TOGARAM2: variants seen among roughly 807,000 people sequenced by gnomAD.
The protein encoded by TOGARAM2 is TOG array regulator of axonemal microtubules protein 2.
A neutral mutation model predicts 93.3 loss-of-function variants in TOGARAM2; 85 were observed. The observed-to-expected ratio is 0.91, with a 90% CI of 0.76 to 1.09. The LOEUF is 1.09. Ranked by LOEUF, TOGARAM2 falls within the 50% of genes least tolerant of loss-of-function variation. TOGARAM2 has a pLI of 0.00. For synonymous variants in TOGARAM2, 593 were observed against 552.8 expected (o/e 1.07, Z -1.02); for missense variants, 1,277 against 1,334.5 (o/e 0.96, Z 0.67).
chr2:29,018,209 G>A, intron 10 of TOGARAM2: 1 of 483,506 alleles, frequency 2.1e-6, no homozygotes, highest in Non-Finnish European at 3.7e-6. Context: ...TGTGTGACAT[G>A]TCCGGAGGAG....
intron 6 of TOGARAM2, among the ~76,000 whole-genome samples, chr2:29,005,461 G>A (rs1572682738): frequency 1.8e-5 from 2 of 111,628 alleles, no homozygotes; most frequent in African/African-American, 6.5e-5. Flanking sequence ...GAGAGCATGT[G>A]TGACTGCATG....
intron 13 of TOGARAM2, 75 bp from the exon 14 acceptor site, chr2:29,026,778 G>T (rs955987614): frequency 5.7e-6 from 8 of 1,406,808 alleles, no homozygotes; most frequent in Middle Eastern, 1.8e-4. Context: ...TGCAATGGTA[G>T]ATCCATGTTT....
chr2:29,029,472 A>G (rs1665617061), intron 14 of TOGARAM2, among the ~76,000 whole-genome samples: 1 of 152,206 alleles, frequency 6.6e-6, no homozygotes, highest in South Asian at 2.1e-4. Context: ...GAATGACATA[A>G]TGGGCCGGGT....
intron 19 of TOGARAM2, chr2:29,051,307 A>C (rs1328139274): frequency 6.5e-6 from 1 of 153,646 alleles, no homozygotes; most frequent in African/African-American, 2.4e-5. Context: ...TTGGTTCAGC[A>C]TTTTTATCCT....
chr2:28,974,975 C>T (rs552710515), intron 1 of TOGARAM2, among the ~76,000 whole-genome samples: 5 of 151,602 alleles, frequency 3.3e-5, no homozygotes, highest in East Asian at 1.9e-4. Flanking sequence ...TGGTTGCTAT[C>T]GAGTAATTTC....
intron 1 of TOGARAM2, among the ~76,000 whole-genome samples, chr2:28,986,263 C>A (rs78249802): frequency 6.7e-6 from 1 of 150,262 alleles, no homozygotes; most frequent in Non-Finnish European, 1.5e-5. Flanking sequence ...AACTTTCTCT[C>A]CCCCTAGGCT....
chr2:28,990,851 A>G (rs905416343), intron 1 of TOGARAM2, among the ~76,000 whole-genome samples: 2 of 151,924 alleles, frequency 1.3e-5, no homozygotes, highest in Non-Finnish European at 2.9e-5. Context: ...TGAGCCTCTT[A>G]TTCTATAGAC....
At chr2:28,957,373 G>A (rs965659195) in intron 1 of TOGARAM2, among the ~76,000 whole-genome samples, 4 of 152,054 alleles carry the variant, frequency 2.6e-5, no homozygotes, top group African/African-American at 4.8e-5. Context: ...TAGAGACGGG[G>A]TTTCGCCATG....
At chr2:29,022,056 G>T (rs1664985718) in intron 10 of TOGARAM2, 102 bp from the exon 11 acceptor site, 5 of 1,499,772 alleles carry the variant, frequency 3.3e-6, no homozygotes, top group East Asian at 2.3e-5. Context: ...TGGGCTCAGG[G>T]TGGTGGCACG....
Position 29,051,760 on chromosome 2 carries a change from G to T in TOGARAM2, c.2727G>T (p.Leu909=). The change falls in exon 20 of 20, where the codon CTG becomes CTT. Residue 909 remains leucine, a synonymous_variant. Coordinates refer to ENST00000379558, the MANE Select transcript of TOGARAM2 (RefSeq NM_199280.4). Reference sequence around the variant, plus strand: ...CTCTCCTTTTCTGCCTGACAGTGCTGGTGGCCTCAGTTTACCCCCGGAAGC... The same window carrying T: ...CTCTCCTTTTCTGCCTGACAGTGCTTGTGGCCTCAGTTTACCCCCGGAAGC... The part of the protein sequence containing the change: ...VLDVTDRLAV[L]VASVYPRKPQ... The T allele has an allele frequency of 6.7e-7, 1 of 1,503,498 alleles. No individual in the cohort carries two copies. Among genetic ancestry groups the T allele is most frequent in the Non-Finnish European group, 9.0e-7 (1 of 1,117,084 alleles). 93.1% of individuals were successfully genotyped at this position (1,503,498 alleles called of 1,614,324 possible). A position where few individuals can be genotyped will look rare whatever the true frequency, so the allele number is the denominator to read the frequency against.
intron 1 of TOGARAM2, among the ~76,000 whole-genome samples, chr2:28,968,668 T>C (rs1671900778): frequency 1.3e-5 from 2 of 151,550 alleles, no homozygotes. Flanking sequence ...ATACAAAAAA[T>C]ATTAGCTGAG....
At chr2:28,976,903 C>G (rs1260809936), upstream of TOGARAM2, among the ~76,000 whole-genome samples, 1 of 152,224 alleles carries the variant, frequency 6.6e-6, no homozygotes, top group Non-Finnish European at 1.5e-5. Flanking sequence ...TTCAGGCTCT[C>G]CAGGCTGGGG....
Position 29,002,748 on chromosome 2 carries a change from G to A in TOGARAM2, c.639+1G>A, listed in dbSNP as rs770197138. 3 of 1,612,666 alleles carry A rather than the reference G, an allele frequency of 1.9e-6. No homozygotes were observed. The highest frequency in any genetic ancestry group is 1.7e-4 in the Middle Eastern group (1 of 6,060). ...CGAGTTGAGACCCGGTGCTCAGGAGGTAAGGTGGTTCGACTGCTGTGAGTC... is the reference window on the plus strand; with the variant it reads ...CGAGTTGAGACCCGGTGCTCAGGAGATAAGGTGGTTCGACTGCTGTGAGTC... On this transcript the variant is annotated splice_donor_variant, in intron 5 of 19. Coordinates refer to ENST00000379558, the MANE Select transcript of TOGARAM2 (RefSeq NM_199280.4). LOFTEE classifies it high-confidence loss of function.
intron 6 of TOGARAM2, among the ~76,000 whole-genome samples, chr2:29,006,340 A>ATG (rs770548346): frequency 8.6e-6 from 1 of 116,128 alleles, no homozygotes; most frequent in African/African-American, 3.6e-5. Context: ...ATGTGTGTGT[A>ATG]TGTGTGTATG....
intron 10 of TOGARAM2, 57 bp downstream of exon 10, chr2:29,018,013 GC>G: frequency 6.6e-7 from 1 of 1,504,804 alleles, no homozygotes; most frequent in Non-Finnish European, 8.9e-7. Flanking sequence ...GCCTCAGGAT[GC>G]CCTGAGGCAT....
chr2:28,990,978 T>C (rs959315353), intron 1 of TOGARAM2, among the ~76,000 whole-genome samples: 5 of 145,736 alleles, frequency 3.4e-5, no homozygotes, highest in African/African-American at 1.3e-4. Flanking sequence ...TGCGAGTGTG[T>C]GTGTGTGTGA....
chr2:28,978,761 G>A (rs973153051), upstream of TOGARAM2, among the ~76,000 whole-genome samples: 1 of 152,072 alleles, frequency 6.6e-6, no homozygotes, highest in African/African-American at 2.4e-5. Context: ...CATCGGTTCT[G>A]GGGGTGGGAG....
chr2:28,983,976 T>C (rs1344560692), intron 1 of TOGARAM2, among the ~76,000 whole-genome samples: 1 of 152,150 alleles, frequency 6.6e-6, no homozygotes, highest in Non-Finnish European at 1.5e-5. Context: ...CTCTGCTCTC[T>C]GTGATCTCAG....
At chr2:28,983,177 A>AATATAAATATAT (rs1672288943) in intron 1 of TOGARAM2, among the ~76,000 whole-genome samples, 3 of 32,392 alleles carry the variant, frequency 9.3e-5, no homozygotes, top group African/African-American at 1.3e-4. Context: ...TGTATATATA[A>AATATAAATATAT]ATATATATAT....
Sources: allele counts gnomAD v4.1 joint callset (sites outside exome capture counted in the v4.1 genomes callset), GRCh38; gene constraint gnomAD v4.1.1; transcripts MANE v1.5; gene names NCBI Gene and HGNC (gene_info 2026-07-23, HGNC 2026-07-21).